DLC1: variants seen among roughly 807,000 people sequenced by gnomAD.
DLC1 encodes the protein DLC1 Rho GTPase activating protein.
DLC1 carries 54 observed loss-of-function variants against 140.3 expected under a neutral mutation model. That is an observed-to-expected ratio of 0.38 (90% CI 0.31 to 0.48). The LOEUF (loss-of-function observed/expected upper bound fraction) is 0.48. DLC1 is among the 20% of genes least tolerant of loss of function. DLC1 has a pLI of 0.96. For synonymous variants in DLC1, 986 were observed against 728.1 expected (o/e 1.35, Z -5.70); for missense variants, 2,536 against 1,907.0 (o/e 1.33, Z -6.14).
intron 5 of DLC1, among the ~76,000 whole-genome samples, chr8:13,244,313 T>C (rs1296411798): frequency 6.6e-6 from 1 of 151,504 alleles, no homozygotes; most frequent in African/African-American, 2.4e-5. Context: ...TTTTTTTTTT[T>C]TTGAGACAGG....
chr8:13,083,420 C>T lies in DLC1; in HGVS notation c.*2391G>A, dbSNP rs1817300260. On this transcript the variant is annotated 3_prime_UTR_variant, in exon 18 of 18. Coordinates refer to ENST00000276297, the MANE Select transcript of DLC1 (RefSeq NM_182643.3). The stretch of plus-strand genomic sequence containing the variant: ...TACAAGTACAAAATACTGAAAGCCG[C>T]TGCAGGGGATTATAAAGATGTGTAA... The T allele has an allele frequency of 6.6e-6, 1 of 152,064 alleles. No homozygotes were observed. Among genetic ancestry groups the T allele is most frequent in the African/African-American group, 2.4e-5 (1 of 41,394 alleles). The allele number at this position is 152,064 out of a possible 1,614,324, so 9.4% of individuals were successfully genotyped here.
Position 13,115,568 on chromosome 8 carries a change from G to C in DLC1, c.1420+18C>G. ...TTATGATTATGCCAACTTTTAAAAAGTGGCATTCCCAGCTTACCTTCATAA... is the reference window on the plus strand; with the variant it reads ...TTATGATTATGCCAACTTTTAAAAACTGGCATTCCCAGCTTACCTTCATAA... On this transcript the variant is annotated intron_variant, in intron 6 of 17. Coordinates refer to ENST00000276297, the MANE Select transcript of DLC1 (RefSeq NM_182643.3). 6.2e-7 allele frequency: 1 copy of C among 1,608,694 alleles called. No individual in the cohort carries two copies. Among genetic ancestry groups the C allele is most frequent in the Non-Finnish European group, 8.5e-7 (1 of 1,177,046 alleles).
chr8:13,435,329 T>C (rs1839070418), intron 2 of DLC1, among the ~76,000 whole-genome samples: 1 of 152,182 alleles, frequency 6.6e-6, no homozygotes, highest in South Asian at 2.1e-4. Context: ...CTTTTCTTTT[T>C]TGAGACAGAG....
intron 1 of DLC1, among the ~76,000 whole-genome samples, chr8:13,602,465 G>T (rs1805920852): frequency 6.6e-6 from 1 of 151,720 alleles, no homozygotes; most frequent in Admixed American, 6.6e-5. Context: ...ACCTTTTGGA[G>T]ATGTATACAA....
chr8:13,158,555 C>T (rs1391234817), intron 5 of DLC1, among the ~76,000 whole-genome samples: 1 of 152,054 alleles, frequency 6.6e-6, no homozygotes, highest in Non-Finnish European at 1.5e-5. Flanking sequence ...CTTGTTCTTC[C>T]TCGGGTCAAA....
At chr8:13,131,719 C>G (rs867739459) in intron 5 of DLC1, among the ~76,000 whole-genome samples, 2 of 152,208 alleles carry the variant, frequency 1.3e-5, no homozygotes, top group Admixed American at 1.3e-4. Context: ...TCCTCACAAC[C>G]TCCCCGCGCG....
At chr8:13,487,362 G>A (rs925064796) in intron 2 of DLC1, among the ~76,000 whole-genome samples, 2 of 151,894 alleles carry the variant, frequency 1.3e-5, no homozygotes, top group Admixed American at 6.6e-5. Context: ...TATGTCATTT[G>A]GAAATTCATC....
intron 5 of DLC1, among the ~76,000 whole-genome samples, chr8:13,154,320 T>G (rs1464624098): frequency 6.6e-6 from 1 of 152,172 alleles, no homozygotes; most frequent in Non-Finnish European, 1.5e-5. Context: ...AATGGCCGGC[T>G]GCAGGTCGGG....
intron 4 of DLC1, among the ~76,000 whole-genome samples, chr8:13,352,011 G>A (rs563885743): frequency 6.6e-6 from 1 of 152,212 alleles, no homozygotes; most frequent in Non-Finnish European, 1.5e-5. Flanking sequence ...TGGGATTACA[G>A]GCATGAGCCA....
intron 7 of DLC1, 91 bp downstream of exon 7, chr8:13,110,651 C>G (rs1315410546): frequency 6.4e-6 from 8 of 1,258,096 alleles, no homozygotes; most frequent in East Asian, 4.6e-5. Flanking sequence ...ACACAATTAG[C>G]AAGAACAAAA....
intron 3 of DLC1, among the ~76,000 whole-genome samples, chr8:13,397,180 G>T (rs774149475): frequency 6.6e-6 from 1 of 152,094 alleles, no homozygotes; most frequent in Non-Finnish European, 1.5e-5. Context: ...CTGATCTGGA[G>T]ACCACAAGAA....
chr8:13,482,557 A>G (rs1350527887), intron 2 of DLC1, among the ~76,000 whole-genome samples: 1 of 152,196 alleles, frequency 6.6e-6, no homozygotes, highest in Non-Finnish European at 1.5e-5. Context: ...CATGTTTTCT[A>G]TCAAGCAAAA....
intron 2 of DLC1, among the ~76,000 whole-genome samples, chr8:13,468,335 C>CT (rs148275266): frequency 0.31 from 33,395 of 106,734 alleles, 6,620 homozygotes; most frequent in Non-Finnish European, 0.39. Flanking sequence ...TTCCCTTCCC[C>CT]CCATTCCCCT....
intron 5 of DLC1, among the ~76,000 whole-genome samples, chr8:13,177,400 C>T (rs1825810879): frequency 6.6e-6 from 1 of 151,940 alleles, no homozygotes; most frequent in South Asian, 2.1e-4. Flanking sequence ...TTTTGTAATT[C>T]CAGGAACTAT....
rs74972496 is a variant in DLC1, at chr8:13,299,730, G to A, written c.1348+5539C>T. 5.3e-3 allele frequency among the ~76,000 whole-genome samples: 813 copies of A among 152,186 alleles called. 9 individuals carry two copies. The highest frequency in any genetic ancestry group is 0.019 in the African/African-American group (779 of 41,504). ...CAAATGCACGTTAGGCACATTGAGG[G>A]GAGTTTAATAACAGGACCATTTATA... On this transcript the variant is annotated intron_variant, in intron 5 of 17. Coordinates refer to ENST00000276297, the MANE Select transcript of DLC1 (RefSeq NM_182643.3).
At chr8:13,417,801 G>A (rs1838141274) in intron 2 of DLC1, among the ~76,000 whole-genome samples, 2 of 152,052 alleles carry the variant, frequency 1.3e-5, no homozygotes, top group African/African-American at 4.8e-5. Context: ...CTTCCACAAT[G>A]GTTGAACTAG....
chr8:13,358,251 A>G (rs992401935), intron 4 of DLC1, among the ~76,000 whole-genome samples: 2 of 152,232 alleles, frequency 1.3e-5, no homozygotes, highest in African/African-American at 4.8e-5. Flanking sequence ...AACACGCATA[A>G]AAATACACAT....
intron 2 of DLC1, among the ~76,000 whole-genome samples, chr8:13,468,334 C>CCT: frequency 2.1e-5 from 2 of 94,970 alleles, no homozygotes; most frequent in Non-Finnish European, 2.5e-5. Context: ...TTTCCCTTCC[C>CCT]CCCATTCCCC....
intron 5 of DLC1, among the ~76,000 whole-genome samples, chr8:13,234,931 T>C (rs1204564648): frequency 6.6e-6 from 1 of 152,020 alleles, no homozygotes; most frequent in East Asian, 1.9e-4. Context: ...TCAGAAAATA[T>C]TTTGAGACCC....
Sources: allele counts gnomAD v4.1 joint callset (sites outside exome capture counted in the v4.1 genomes callset), GRCh38; gene constraint gnomAD v4.1.1; transcripts MANE v1.5; gene names NCBI Gene and HGNC (gene_info 2026-07-23, HGNC 2026-07-21).